MROH6: variants seen among roughly 807,000 people sequenced by gnomAD.
MROH6 encodes the protein maestro heat like repeat family member 6, also known as maestro heat-like repeat-containing protein family member 6.
A neutral mutation model predicts 67.7 loss-of-function variants in MROH6; 62 were observed. That is an observed-to-expected ratio of 0.92 (90% CI 0.75 to 1.13). The LOEUF is 1.13. Among genes scored for constraint, MROH6 ranks in the 50% most tolerant of loss-of-function variants. The pLI is 0.00. For synonymous variants in MROH6, 566 were observed against 470.8 expected (o/e 1.20, Z -2.62); for missense variants, 1,175 against 1,029.1 (o/e 1.14, Z -1.94).
Position 143,570,386 on chromosome 8 carries a change from G to A in MROH6, c.906-6C>T. 3 of 1,610,658 alleles carry A rather than the reference G, an allele frequency of 1.9e-6. No individual in the cohort carries two copies. The highest frequency in any genetic ancestry group is 1.7e-5 in the Admixed American group (1 of 59,934). On this transcript the variant is annotated splice_polypyrimidine_tract_variant and splice_region_variant and intron_variant, in intron 5 of 13. Transcript: ENST00000398882. The stretch of plus-strand genomic sequence containing the variant: ...TCAAGGCCTCCACAGCACAGCTGGT[G>A]GTGGGGACAGTGAGCAGGTGGGCAG...
Position 143,572,021 on chromosome 8 carries a change from G to A in MROH6, c.447+12C>T, listed in dbSNP as rs762742309. The A allele has an allele frequency of 9.3e-6, 15 of 1,608,614 alleles. 1 individual carries two copies. The highest frequency in any genetic ancestry group is 1.3e-5 in the Non-Finnish European group (15 of 1,177,684). ...CAGGATTCTGTAGGGCATGAAGTGG[G>A]TGAAGGCTGACCTGGTCCTCCAACC... On this transcript the variant is annotated intron_variant, in intron 2 of 13. Transcript: ENST00000398882.
chr8:143,566,624 A>G lies in MROH6; in HGVS notation c.*615T>C, dbSNP rs1823626543. ...GTGTGATCTGGGGCCTACGTGGTCC[A>G]GCTTGGGAGGACGCCGGGGCCAGCT... On this transcript the variant is annotated 3_prime_UTR_variant, in exon 14 of 14. Transcript: ENST00000398882. The G allele has an allele frequency of 6.6e-6, 1 of 152,284 alleles. No homozygotes were observed. 9.4% of individuals were successfully genotyped at this position (152,284 alleles called of 1,614,324 possible). A position where few individuals can be genotyped will look rare whatever the true frequency, so the allele number is the denominator to read the frequency against.
chr8:143,569,372 G>A, intron 9 of MROH6, 69 bp downstream of exon 9: 1 of 1,287,676 alleles, frequency 7.8e-7, no homozygotes, highest in Non-Finnish European at 9.9e-7. Context: ...GGCCTGGGAG[G>A]GAGAGACTGG....
At position 143,569,729 on chromosome 8, in the gene MROH6, C is replaced by G. The variant is rs1171823803; in HGVS notation, c.1270G>C (p.Gly424Arg). The G allele has an allele frequency of 2.5e-6, 4 of 1,613,072 alleles. No individual in the cohort carries two copies. In the Admixed American group the frequency reaches 5.0e-5, roughly 20 times the overall value. Residue 424 changes from glycine to arginine, a missense_variant, in exon 8 of 14, where the codon GGC becomes CGC. Gly to Arg is a moderately radical substitution (Grantham distance 125). Transcript: ENST00000398882. ...CGATTCAGCGCGAGGTGGCCCAGGCCCAGCAGGCCCAACCAGCGCACAGTG... is the reference window on the plus strand; with the variant it reads ...CGATTCAGCGCGAGGTGGCCCAGGCGCAGCAGGCCCAACCAGCGCACAGTG... Reference protein sequence around the residue: ...EPTVRWLGLLGLGHLALNRRK... With the variant: ...EPTVRWLGLLRLGHLALNRRK...
chr8:143,568,781 G>T, intron 9 of MROH6, 62 bp from the exon 10 acceptor site: 3 of 1,270,818 alleles, frequency 2.4e-6, no homozygotes, highest in Non-Finnish European at 3.1e-6. Context: ...GGTGGGAGGG[G>T]GCGGCCAGCG....
intron 6 of MROH6, 46 bp downstream of exon 6, chr8:143,570,197 T>C (rs565192699): frequency 7.7e-6 from 12 of 1,558,766 alleles, no homozygotes; most frequent in East Asian, 4.5e-5. Flanking sequence ...CAGCAACGAC[T>C]CTCTTCCTGG....
At position 143,569,405 on chromosome 8, in the gene MROH6, G is replaced by C. The variant is rs2130629447; in HGVS notation, c.1476+36C>G. On this transcript the variant is annotated intron_variant, in intron 9 of 13. Coordinates refer to ENST00000398882, the MANE Select transcript of MROH6 (RefSeq NM_001100878.2). ...TGGAAGGGCGGGGGCGGTGACAGCGGCAGGGGCGGGACCCGGAGGCGGGGC... is the reference window on the plus strand; with the variant it reads ...TGGAAGGGCGGGGGCGGTGACAGCGCCAGGGGCGGGACCCGGAGGCGGGGC... 5.8e-6 allele frequency: 8 copies of C among 1,383,712 alleles called. No homozygotes were observed. The Middle Eastern group carries it at 7.9e-4, about 137-fold the overall frequency. 85.7% of individuals were successfully genotyped at this position (1,383,712 alleles called of 1,614,324 possible).
At chr8:143,567,918 G>A (rs763005199) in intron 11 of MROH6, 30 bp from the exon 12 acceptor site, 2 of 1,511,018 alleles carry the variant, frequency 1.3e-6, no homozygotes, top group South Asian at 1.3e-5. Context: ...TGGCAGGACA[G>A]GAGGGCTGAT....
In MROH6 at chr8:143,567,305, G is replaced by C; in HGVS notation, c.2094C>G (p.Ala698=). 8.2e-7 allele frequency: 1 copy of C among 1,221,266 alleles called. No homozygotes were observed. The highest frequency in any genetic ancestry group is 1.0e-6 in the Non-Finnish European group (1 of 981,138). The allele number at this position is 1,221,266 out of a possible 1,614,324, so 75.7% of individuals were successfully genotyped here. Residue 698 remains alanine (A), a synonymous_variant, in exon 14 of 14, where the codon GCC becomes GCG. Coordinates refer to ENST00000398882, the MANE Select transcript of MROH6 (RefSeq NM_001100878.2). ...PRPARPPPVF[A]DSPFQRRSVA... ...CGCTCCGGCGCTGGAAGGGGCTGTC[G>C]GCGAAGACTGGTGGGGGCCGGGCGG... is the stretch of plus-strand genomic sequence containing the variant.
chr8:143,571,773 C>T lies in MROH6; in HGVS notation c.496G>A (p.Glu166Lys), dbSNP rs1226856618. ...AGGGCCGCCCTCCAGGGCCTCCCCT[C>T]CGCTAGGCTGGGCACCTGCGCCAGC... is the stretch of plus-strand genomic sequence containing the variant. ...GLLAQVPSLA[E>K]GRPWRAALRV... The change falls in exon 3 of 14, where the codon GAG (glutamate) becomes AAG (lysine). Residue 166 changes from glutamate to lysine, a missense_variant. By Grantham distance (56) the Glu-to-Lys change is moderately conservative (BLOSUM62 1). Transcript: ENST00000398882. The T allele has an allele frequency of 1.3e-6, 2 of 1,548,192 alleles. No individual in the cohort carries two copies. Among genetic ancestry groups the T allele is most frequent in the Admixed American group, 2.0e-5 (1 of 51,152 alleles).
chr8:143,567,706 C>A, intron 12 of MROH6, 30 bp from the exon 13 acceptor site: 1 of 1,572,706 alleles, frequency 6.4e-7, no homozygotes, highest in Non-Finnish European at 8.6e-7. Context: ...TGAGTGCAGG[C>A]CCCACAGCCC....
At chr8:143,570,711 C>G in intron 4 of MROH6, 54 bp from the exon 5 acceptor site, 3 of 1,537,874 alleles carry the variant, frequency 2.0e-6, no homozygotes, top group Non-Finnish European at 2.6e-6. Context: ...CTGCACTGGG[C>G]AGCAGAGGGA....
chr8:143,571,899 A>ACCC (rs1485406596), intron 2 of MROH6, 78 bp from the exon 3 acceptor site: 15 of 1,354,200 alleles, frequency 1.1e-5, no homozygotes, highest in Non-Finnish European at 1.4e-5. Flanking sequence ...CCCCACCTCC[A>ACCC]CCCCCACCCT....
chr8:143,570,275 G>A lies in MROH6; in HGVS notation c.1011C>T (p.His337=), dbSNP rs756412319. 3.1e-6 allele frequency: 5 copies of A among 1,601,762 alleles called. No homozygotes were observed. Among genetic ancestry groups the A allele is most frequent in the Non-Finnish European group, 3.4e-6 (4 of 1,176,536 alleles). ...AGGWRRLVGA[H]THLEGVLLLA... ...GCAGCAGGACGCCCTCCAGGTGGGT[G>A]TGGGCTCCCACCAGCCTCCTCCAGC... is the stretch of plus-strand genomic sequence containing the variant. The change falls in exon 6 of 14, where the codon CAC becomes CAT. Residue 337 remains histidine (H), a synonymous_variant. Coordinates refer to ENST00000398882, the MANE Select transcript of MROH6 (RefSeq NM_001100878.2).
Position 143,569,588 on chromosome 8 carries a change from C to G in MROH6, c.1329G>C (p.Pro443=). The change falls in exon 9 of 14, where the codon CCG becomes CCC. Residue 443 remains proline (P), a synonymous_variant. Transcript: ENST00000398882. ...RKVRHVSTLL[P]ALLGALGEGD... ...CTTCGCCCAGTGCGCCCAGGAGCGCCGGCAGCAGCGTGCTCACGTGCCGCA... is the reference window on the plus strand; with the variant it reads ...CTTCGCCCAGTGCGCCCAGGAGCGCGGGCAGCAGCGTGCTCACGTGCCGCA... The G allele has an allele frequency of 6.4e-7, 1 of 1,569,118 alleles. No individual in the cohort carries two copies. Among genetic ancestry groups the G allele is most frequent in the Non-Finnish European group, 8.6e-7 (1 of 1,161,326 alleles).
Position 143,567,603 on chromosome 8 carries a change from G to C in MROH6, c.1933+8C>G. ...AGGACACCATCCCCTGGCAAGGTGGGGCCTCACCCTGGAACAGGGAGTCCA... is the reference window on the plus strand; with the variant it reads ...AGGACACCATCCCCTGGCAAGGTGGCGCCTCACCCTGGAACAGGGAGTCCA... On this transcript the variant is annotated splice_region_variant and intron_variant, in intron 13 of 13. Transcript: ENST00000398882. 1 of 1,555,894 alleles carries C rather than the reference G, an allele frequency of 6.4e-7. No homozygotes were observed. Among genetic ancestry groups the C allele is most frequent in the Non-Finnish European group, 8.7e-7 (1 of 1,150,460 alleles).
chr8:143,570,164 T>C, intron 6 of MROH6, 79 bp downstream of exon 6: 1 of 1,560,492 alleles, frequency 6.4e-7, no homozygotes, highest in Middle Eastern at 1.7e-4. Flanking sequence ...GCCTTTTCCC[T>C]GTCCCCCTGC....
chr8:143,569,296 G>A lies in MROH6; in HGVS notation c.1476+145C>T, dbSNP rs1423397617. On this transcript the variant is annotated intron_variant, in intron 9 of 13. Coordinates refer to ENST00000398882, the MANE Select transcript of MROH6 (RefSeq NM_001100878.2). ...GGGAGACTGGGGGCGGGGCCTGGGA[G>A]GGAGAGACTGGAAGGGCGGGGCGGG... 6.6e-5 allele frequency: 33 copies of A among 498,936 alleles called. No homozygotes were observed. In the South Asian group the frequency reaches 8.0e-4, roughly 12 times the overall value. The allele number at this position is 498,936 out of a possible 1,614,324, so 30.9% of individuals were successfully genotyped here.
chr8:143,569,702 T>C lies in MROH6; in HGVS notation c.1297A>G (p.Arg433Gly), dbSNP rs771212373. Residue 433 changes from arginine to glycine, a missense_variant, in exon 8 of 14, where the codon AGG becomes GGG. Arg to Gly is a moderately radical substitution (Grantham distance 125). Transcript: ENST00000398882. ...CCCCTCCCCTTCTCTCACACCTTCC[T>C]GCGATTCAGCGCGAGGTGGCCCAGG... ...LGLGHLALNR[R>G]KVRHVSTLLP... 2.5e-6 allele frequency: 4 copies of C among 1,612,700 alleles called. No individual in the cohort carries two copies. Among genetic ancestry groups the C allele is most frequent in the Non-Finnish European group, 3.4e-6 (4 of 1,179,484 alleles).
Sources: gnomAD v4.1 joint callset for allele counts on GRCh38, gnomAD v4.1.1 for gene constraint, MANE v1.5 for transcripts, NCBI Gene and HGNC (gene_info 2026-07-23, HGNC 2026-07-21) for gene names.